The following PPP1R13B variants were observed in gnomAD, a reference collection of about 807,000 sequenced individuals.
The protein encoded by PPP1R13B is apoptosis-stimulating of p53 protein 1.
A neutral mutation model predicts 119.8 loss-of-function variants in PPP1R13B; 44 were observed. That is an observed-to-expected ratio of 0.37 (90% confidence interval 0.29 to 0.47). The LOEUF (loss-of-function observed/expected upper bound fraction) is 0.47, where lower values mean the gene tolerates loss of function less well. Ranked by LOEUF, PPP1R13B falls within the 20% of genes least tolerant of loss-of-function variation. The pLI is 0.99. For synonymous variants in PPP1R13B, 542 were observed against 561.5 expected, an observed-to-expected ratio of 0.97 and a Z score of 0.49; for missense variants, 1,227 against 1,413.5, an observed-to-expected ratio of 0.87 and a Z score of 2.12.
Position 103,847,528 on chromosome 14 carries a change from G to A in PPP1R13B, c.-221C>T. ...CTGTCCCGGGCACCCGGCCGCCGCC[G>A]CCGCCGCCTCAACCTCAGCCTCAGC... On this transcript the variant is annotated 5_prime_UTR_variant, in exon 1 of 17. Transcript: ENST00000202556. 8.1e-6 allele frequency: 8 copies of A among 985,226 alleles called. No homozygotes were observed. Among genetic ancestry groups the A allele is most frequent in the Non-Finnish European group, 9.6e-6 (8 of 830,932 alleles). The allele number at this position is 985,226 out of a possible 1,614,324, so 61.0% of individuals were successfully genotyped here.
intron 1 of PPP1R13B, among the ~76,000 whole-genome samples, chr14:103,828,204 T>C (rs1259214129): frequency 6.6e-6 from 1 of 151,734 alleles, no homozygotes; most frequent in Non-Finnish European, 1.5e-5. Flanking sequence ...CCAACTCTAC[T>C]AAAAATACAA....
At chr14:103,775,864 G>C (rs780369354) in intron 4 of PPP1R13B, among the ~76,000 whole-genome samples, 1 of 152,120 alleles carries the variant, frequency 6.6e-6, no homozygotes, top group Admixed American at 6.6e-5. Context: ...GCAGGAATGT[G>C]AAGAGGGAGA....
At chr14:103,793,979 A>G (rs771269347) in intron 2 of PPP1R13B, among the ~76,000 whole-genome samples, 2 of 152,248 alleles carry the variant, frequency 1.3e-5, no homozygotes, top group African/African-American at 2.4e-5. Context: ...CCCTAATCCA[A>G]TATGACTAGT....
At position 103,785,007 on chromosome 14, in the gene PPP1R13B, C is replaced by T. The variant is rs2085424889; in HGVS notation, c.158-93G>A. 7 of 1,141,380 alleles carry T rather than the reference C, an allele frequency of 6.1e-6. No homozygotes were observed. In the South Asian group the frequency reaches 1.4e-4, roughly 23 times the overall value. 70.7% of individuals were successfully genotyped at this position (1,141,380 alleles called of 1,614,324 possible). On this transcript the variant is annotated intron_variant, in intron 2 of 16. Coordinates refer to ENST00000202556, the MANE Select transcript of PPP1R13B (RefSeq NM_015316.3). The stretch of plus-strand genomic sequence containing the variant: ...AAAAACTTAAATGAATGTATATATG[C>T]ACACATGTATGTCTACATGTTACAA...
At chr14:103,805,072 C>A (rs1215288966) in intron 1 of PPP1R13B, among the ~76,000 whole-genome samples, 2 of 151,966 alleles carry the variant, frequency 1.3e-5, no homozygotes, top group African/African-American at 4.8e-5. Flanking sequence ...CCTGAGCTCA[C>A]GTGATCTGCC....
At chr14:103,838,349 C>T (rs148339726) in intron 1 of PPP1R13B, among the ~76,000 whole-genome samples, 2 of 152,110 alleles carry the variant, frequency 1.3e-5, no homozygotes, top group African/African-American at 4.8e-5. Context: ...CTGGGCTAAA[C>T]GGCAGTGGTA....
chr14:103,763,126 C>T (rs2084850024), intron 4 of PPP1R13B: 9 of 678,456 alleles, frequency 1.3e-5, no homozygotes, highest in Non-Finnish European at 2.4e-5. Context: ...TCCCGCAGCT[C>T]CCTCACACTG....
chr14:103,772,083 A>G (rs1162178152), intron 4 of PPP1R13B, among the ~76,000 whole-genome samples: 2 of 152,230 alleles, frequency 1.3e-5, no homozygotes, highest in Non-Finnish European at 2.9e-5. Flanking sequence ...GAATGAAACC[A>G]TAACAGTATT....
intron 2 of PPP1R13B, among the ~76,000 whole-genome samples, chr14:103,792,369 G>C (rs1487987982): frequency 6.6e-6 from 1 of 152,004 alleles, no homozygotes; most frequent in East Asian, 1.9e-4. Flanking sequence ...GTAGAGATGG[G>C]GTTTGGCCAC....
intron 11 of PPP1R13B, among the ~76,000 whole-genome samples, chr14:103,741,363 G>A (rs1284312632): frequency 3.3e-5 from 5 of 152,190 alleles, no homozygotes; most frequent in African/African-American, 7.2e-5. Flanking sequence ...AGGCTCCTAC[G>A]CAGCAGACGC....
At chr14:103,774,464 C>A (rs2085137703) in intron 4 of PPP1R13B, among the ~76,000 whole-genome samples, 1 of 152,206 alleles carries the variant, frequency 6.6e-6, no homozygotes, top group African/African-American at 2.4e-5. Flanking sequence ...TCAACACAGG[C>A]ATATATAATG....
intron 2 of PPP1R13B, among the ~76,000 whole-genome samples, chr14:103,791,508 T>C (rs1320565508): frequency 6.6e-6 from 1 of 152,134 alleles, no homozygotes; most frequent in Non-Finnish European, 1.5e-5. Context: ...GGGCAGATCA[T>C]GGGGTCAGGA....
intron 8 of PPP1R13B, among the ~76,000 whole-genome samples, chr14:103,747,874 G>A (rs572242563): frequency 2.6e-5 from 4 of 152,272 alleles, no homozygotes; most frequent in African/African-American, 9.6e-5. Context: ...TAGAAGGTGG[G>A]TGGGCCCCAT....
chr14:103,780,072 C>T (rs1262390835), intron 3 of PPP1R13B, among the ~76,000 whole-genome samples: 1 of 151,916 alleles, frequency 6.6e-6, no homozygotes, highest in Non-Finnish European at 1.5e-5. Flanking sequence ...TTGCTTGAAC[C>T]CGGGAGGCGG....
At chr14:103,793,803 A>G (rs1390514243) in intron 2 of PPP1R13B, among the ~76,000 whole-genome samples, 1 of 152,246 alleles carries the variant, frequency 6.6e-6, no homozygotes, top group Non-Finnish European at 1.5e-5. Flanking sequence ...GGAACCACAC[A>G]GAGTAGCTAA....
chr14:103,749,988 C>G (rs534996152), intron 7 of PPP1R13B, 54 bp from the exon 8 acceptor site: 2 of 1,582,774 alleles, frequency 1.3e-6, no homozygotes, highest in African/African-American at 2.7e-5. Context: ...AAGTCAAATT[C>G]TCATTGCCAG....
rs2084105355 is a variant in PPP1R13B at position 103,736,170 on chromosome 14, C to T, written c.3064G>A (p.Gly1022Ser). Reference protein sequence around the residue: ...VQEKLGVMNKGVAYALWDYEA... With the variant: ...VQEKLGVMNKSVAYALWDYEA... ...TAGTCCCACAGAGCATACGCCACAC[C>T]TTTGTTCATCACACCCAGCTTTTCC... The change falls in exon 16 of 17, where the codon GGT becomes AGT. Residue 1022 changes from glycine (G) to serine (S), a missense_variant. By Grantham distance (56) the Gly-to-Ser change is moderately conservative. Transcript: ENST00000202556. 2 of 1,613,994 alleles carry T rather than the reference C, an allele frequency of 1.2e-6. No homozygotes were observed. The highest frequency in any genetic ancestry group is 1.7e-6 in the Non-Finnish European group (2 of 1,179,996).
chr14:103,837,271 G>A (rs1238887841), intron 1 of PPP1R13B, among the ~76,000 whole-genome samples: 5 of 152,202 alleles, frequency 3.3e-5, no homozygotes. Flanking sequence ...TAAAGCCACT[G>A]AACATAGGCA....
At chr14:103,844,027 G>A (rs1226344048) in intron 1 of PPP1R13B, among the ~76,000 whole-genome samples, 1 of 152,042 alleles carries the variant, frequency 6.6e-6, no homozygotes, top group Non-Finnish European at 1.5e-5. Context: ...AGCACTTTGG[G>A]AGGCTGGGGC....
Sources: gnomAD v4.1 joint callset for allele counts (sites outside exome capture counted in the v4.1 genomes callset) on GRCh38, gnomAD v4.1.1 for gene constraint, MANE v1.5 for transcripts, NCBI Gene and HGNC (gene_info 2026-07-23, HGNC 2026-07-21) for gene names.